The following PCDHGA1 variants were observed in gnomAD, a reference collection of about 807,000 sequenced individuals.
PCDHGA1 encodes protocadherin gamma-A1.
A neutral mutation model predicts 58.0 loss-of-function variants in PCDHGA1; 32 were observed. That is an observed-to-expected ratio of 0.55 (90% confidence interval 0.42 to 0.74). The LOEUF (loss-of-function observed/expected upper bound fraction) is 0.74. PCDHGA1 is among the 30% of genes least tolerant of loss of function. PCDHGA1 has a pLI of 0.00. For synonymous variants in PCDHGA1, 498 were observed against 501.1 expected, an observed-to-expected ratio of 0.99 and a Z score of 0.08; for missense variants, 1,205 against 1,182.3, an observed-to-expected ratio of 1.02 and a Z score of -0.28.
intron 2 of PCDHGA1, among the ~76,000 whole-genome samples, chr5:141,502,828 G>T (rs928458403): frequency 6.6e-6 from 1 of 150,704 alleles, no homozygotes; most frequent in Non-Finnish European, 1.5e-5. Context: ...CCTTGGGGAA[G>T]CCTGGACTGG....
intron 3 of PCDHGA1, among the ~76,000 whole-genome samples, chr5:141,506,444 C>CAA (rs1219684339): frequency 1.2e-3 from 116 of 94,976 alleles, no homozygotes; most frequent in African/African-American, 4.2e-3. Flanking sequence ...CGCTCTGTCT[C>CAA]AAAAAAAAAA....
Position 141,376,444 on chromosome 5 carries a change from A to G in PCDHGA1, c.2421+43339A>G, listed in dbSNP as rs755915739. On this transcript the variant is annotated intron_variant, in intron 1 of 3. Coordinates refer to ENST00000517417, the MANE Select transcript of PCDHGA1 (RefSeq NM_018912.3). Reference sequence around the variant, plus strand: ...TTATCAACCAGGAGAGCTATGAGAAAAGCGAGCCTCTTCTGATAACTCAGG... The same window carrying G: ...TTATCAACCAGGAGAGCTATGAGAAGAGCGAGCCTCTTCTGATAACTCAGG... 3.1e-6 allele frequency: 5 copies of G among 1,614,096 alleles called. No homozygotes were observed. The East Asian group carries it at 8.9e-5, about 29-fold the overall frequency.
intron 1 of PCDHGA1, chr5:141,378,091 TC>T (rs1774623141): frequency 6.6e-6 from 1 of 152,230 alleles, no homozygotes; most frequent in African/African-American, 2.4e-5. Flanking sequence ...TAACTTTTTT[TC>T]AAACTCTAAA....
chr5:141,361,309 T>A (rs754447823), intron 1 of PCDHGA1: 4 of 1,613,964 alleles, frequency 2.5e-6, no homozygotes, highest in South Asian at 2.2e-5. Context: ...AAATGCCAAG[T>A]TTATTTTGAA....
At position 141,487,047 on chromosome 5, in the gene PCDHGA1, C is replaced by T; in HGVS notation, c.2422-7760C>T. The T allele has an allele frequency of 6.2e-7, 1 of 1,614,188 alleles. No individual in the cohort carries two copies. Among genetic ancestry groups the T allele is most frequent in the Non-Finnish European group, 8.5e-7 (1 of 1,180,032 alleles). ...AGCCTGTTTGCAGTCTCTCGATATGCTGGGGAGGTGCGGACGGCTGTTCCT... is the reference window on the plus strand; with the variant it reads ...AGCCTGTTTGCAGTCTCTCGATATGTTGGGGAGGTGCGGACGGCTGTTCCT... On this transcript the variant is annotated intron_variant, in intron 1 of 3. Coordinates refer to ENST00000517417, the MANE Select transcript of PCDHGA1 (RefSeq NM_018912.3). This position sits in a 1 kb window ranked among gnomAD's most constrained non-coding sequence, Gnocchi z 5.0.
intron 1 of PCDHGA1, among the ~76,000 whole-genome samples, chr5:141,373,204 A>G (rs1769394897): frequency 6.6e-6 from 1 of 152,216 alleles, no homozygotes; most frequent in South Asian, 2.1e-4. Context: ...ATATCTTAAC[A>G]CATTTTTAAT....
chr5:141,360,186 G>A, intron 1 of PCDHGA1: 2 of 1,611,332 alleles, frequency 1.2e-6, no homozygotes, highest in Admixed American at 3.4e-5. Flanking sequence ...TGCAGGTACT[G>A]TTGCCCTTCC....
intron 1 of PCDHGA1, among the ~76,000 whole-genome samples, chr5:141,469,882 G>A (rs760102003): frequency 2.6e-5 from 4 of 152,280 alleles, no homozygotes; most frequent in Non-Finnish European, 4.4e-5. Context: ...TGTAATCTCG[G>A]CACTTTGGGA....
chr5:141,411,079 T>C (rs1178503371), intron 1 of PCDHGA1: 2 of 154,384 alleles, frequency 1.3e-5, no homozygotes, highest in African/African-American at 2.4e-5. Flanking sequence ...CAGAAACTCC[T>C]GTCCTCGTGA....
chr5:141,351,929 C>T, intron 1 of PCDHGA1: 2 of 1,613,302 alleles, frequency 1.2e-6, no homozygotes, highest in East Asian at 2.2e-5. Context: ...CAATGCGCCA[C>T]GGGTGCTGTA....
chr5:141,384,797 T>C (rs766396351), intron 1 of PCDHGA1: 13 of 1,613,368 alleles, frequency 8.1e-6, no homozygotes, highest in Non-Finnish European at 1.1e-5. Context: ...CGGGCCCTGC[T>C]GGACAGAGAT....
At chr5:141,356,018 C>T in intron 1 of PCDHGA1, 1 of 1,613,878 alleles carries the variant, frequency 6.2e-7, no homozygotes, top group Non-Finnish European at 8.5e-7. Context: ...GATGAAGGAG[C>T]CAATGGAGAC....
intron 1 of PCDHGA1, among the ~76,000 whole-genome samples, chr5:141,348,106 A>G (rs1316690272): frequency 1.3e-5 from 2 of 152,266 alleles, no homozygotes; most frequent in Non-Finnish European, 2.9e-5. Context: ...CTTATTCTGC[A>G]ATTTATGAAA....
intron 1 of PCDHGA1, chr5:141,399,954 G>A (rs1327007587): frequency 3.7e-6 from 6 of 1,612,110 alleles, no homozygotes; most frequent in Non-Finnish European, 4.2e-6. Context: ...AGGCTAGCGA[G>A]CCCGGGCTCT....
chr5:141,456,824 G>A (rs2098890304), intron 1 of PCDHGA1, among the ~76,000 whole-genome samples: 2 of 152,170 alleles, frequency 1.3e-5, no homozygotes, highest in South Asian at 2.1e-4. Context: ...ATTAGCCATC[G>A]TGGTAGTGGG....
In PCDHGA1 at chr5:141,422,020, G is replaced by T. The variant is rs374562798; in HGVS notation, c.2422-72787G>T. The T allele has an allele frequency of 1.3e-5, 21 of 1,610,932 alleles. No individual in the cohort carries two copies. The East Asian group carries it at 3.8e-4, about 29-fold the overall frequency. On this transcript the variant is annotated intron_variant, in intron 1 of 3. Transcript: ENST00000517417. ...CAGCTCCGGAACTCGGGTGCTGATG[G>T]TTAATGCAACGGATCCAGACGAGGG...
chr5:141,483,736 G>A (rs1296877404), intron 1 of PCDHGA1, among the ~76,000 whole-genome samples: 1 of 152,110 alleles, frequency 6.6e-6, no homozygotes, highest in Non-Finnish European at 1.5e-5. Flanking sequence ...ATAGTCAAAA[G>A]GATATTCCTG....
At chr5:141,415,040 C>T (rs772941952) in intron 1 of PCDHGA1, 8 of 1,613,520 alleles carry the variant, frequency 5.0e-6, no homozygotes, top group South Asian at 1.1e-5. Context: ...GGACTCTTCG[C>T]GGTGGGGGAG....
At chr5:141,399,464 C>T (rs747827208) in intron 1 of PCDHGA1, 4 of 1,614,018 alleles carry the variant, frequency 2.5e-6, no homozygotes, top group South Asian at 1.1e-5. Flanking sequence ...GATAACGCTC[C>T]GGTTTTCCAC....
Sources: allele counts gnomAD v4.1 joint callset (sites outside exome capture counted in the v4.1 genomes callset), GRCh38; gene constraint gnomAD v4.1.1; non-coding constraint Gnocchi (gnomAD v3.1); transcripts MANE v1.5; gene names NCBI Gene and HGNC (gene_info 2026-07-23, HGNC 2026-07-21).